DAZAP1: variants seen among roughly 807,000 people sequenced by gnomAD.
DAZAP1 encodes the protein DAZ associated protein 1, also known as DAZ-associated protein 1.
Under a neutral mutation model 60.1 loss-of-function variants are expected in DAZAP1, and 6 were observed. The ratio of observed to expected loss-of-function variants is 0.10; its 90% CI spans 0.05 to 0.20. DAZAP1 has a LOEUF of 0.20. Among genes scored for constraint, DAZAP1 ranks in the 10% least tolerant of loss-of-function variants. DAZAP1 has a pLI of 1.00. For missense variants in DAZAP1, 366 were observed against 560.4 expected, an observed-to-expected ratio of 0.65 and a Z score of 3.50; for synonymous variants, 235 against 215.9, an observed-to-expected ratio of 1.09 and a Z score of -0.78.
chr19:1,430,270 C>CCCCCCTGA lies in DAZAP1; in HGVS notation c.779_780insCCCCCTGA (p.Phe262LeufsTer76). 7.3e-7 allele frequency: 1 copy of CCCCCCTGA among 1,368,616 alleles called. No individual in the cohort carries two copies. Among genetic ancestry groups the CCCCCCTGA allele is most frequent in the Non-Finnish European group, 1.0e-6 (1 of 979,188 alleles). 84.8% of individuals were successfully genotyped at this position (1,368,616 alleles called of 1,614,324 possible). On this transcript the variant is annotated frameshift_variant, in exon 10 of 12. Transcript: ENST00000233078. LOFTEE classifies it high-confidence loss of function. Reference sequence around the variant, plus strand: ...GGAAGAGGAGCCCCCCCGCCACCCCCACCGTTCACCTCCTACATCGTGTCC... The same window carrying CCCCCCTGA: ...GGAAGAGGAGCCCCCCCGCCACCCCCCCCCCTGAACCGTTCACCTCCTACATCGTGTCC...
chr19:1,426,256 G>T lies in DAZAP1; in HGVS notation c.546+296G>T. The T allele has an allele frequency of 2.5e-6, 1 of 403,094 alleles. No homozygotes were observed. Among genetic ancestry groups the T allele is most frequent in the Non-Finnish European group, 4.6e-6 (1 of 215,888 alleles). The allele number at this position is 403,094 out of a possible 1,614,324, so 25.0% of individuals were successfully genotyped here. The stretch of plus-strand genomic sequence containing the variant: ...GGGAGGCTGTGGCGGTGTTGGGGCT[G>T]GCTCCAGTGAAACCGCAGCGTTGCC... On this transcript the variant is annotated intron_variant, in intron 7 of 11. Transcript: ENST00000233078. The surrounding 1 kb of genome is among the most constrained non-coding windows in gnomAD (Gnocchi z 5.4).
In DAZAP1 at chr19:1,434,021, GC is replaced by G. The variant is rs2083527771; in HGVS notation, c.1049-713del. 3 of 598,282 alleles carry G rather than the reference GC, an allele frequency of 5.0e-6. No homozygotes were observed. The highest frequency in any genetic ancestry group is 1.9e-5 in the African/African-American group (1 of 53,634). The allele number at this position is 598,282 out of a possible 1,614,324, so 37.1% of individuals were successfully genotyped here. A position where few individuals can be genotyped will look rare whatever the true frequency, so the allele number is the denominator to read the frequency against. On this transcript the variant is annotated intron_variant, in intron 11 of 11. Transcript: ENST00000233078. This position sits in a 1 kb window ranked among gnomAD's most constrained non-coding sequence, Gnocchi z 8.0. Reference sequence around the variant, plus strand: ...CCAGAGAGAGCCCACGCCCACCTGTGCCCACGTGCACCCGAATGGGAACCCA... The same window carrying G: ...CCAGAGAGAGCCCACGCCCACCTGTGCCACGTGCACCCGAATGGGAACCCA...
At position 1,416,284 on chromosome 19, in the gene DAZAP1, G is replaced by C. The variant is rs909049239; in HGVS notation, c.30-1216G>C. 2 of 152,278 alleles carry C rather than the reference G, an allele frequency of 1.3e-5. No homozygotes were observed. Among genetic ancestry groups the C allele is most frequent in the Non-Finnish European group, 2.9e-5 (2 of 68,090 alleles). 9.4% of individuals were successfully genotyped at this position (152,278 alleles called of 1,614,324 possible). On this transcript the variant is annotated intron_variant, in intron 1 of 11. Transcript: ENST00000233078. This position sits in a 1 kb window ranked among gnomAD's most constrained non-coding sequence, Gnocchi z 4.3. Reference sequence around the variant, plus strand: ...GGCCGTCAGGGATACAGGGCCCCGCGTGGGAATGGTGCTTTCAGTGAGGCT... The same window carrying C: ...GGCCGTCAGGGATACAGGGCCCCGCCTGGGAATGGTGCTTTCAGTGAGGCT...
At chr19:1,429,823 C>T in intron 8 of DAZAP1, 144 bp from the exon 9 acceptor site, 1 of 950,492 alleles carries the variant, frequency 1.1e-6, no homozygotes. Flanking sequence ...GTTCAGAGGG[C>T]TCTGCCCTCA....
chr19:1,434,560 A>G lies in DAZAP1; in HGVS notation c.1049-177A>G. On this transcript the variant is annotated intron_variant, in intron 11 of 11. Coordinates refer to ENST00000233078, the MANE Select transcript of DAZAP1 (RefSeq NM_018959.4). This position sits in a 1 kb window ranked among gnomAD's most constrained non-coding sequence, Gnocchi z 8.0. ...CTGCTCACATGTTTTTGAGGGAGAG[A>G]ACATGCCCGGGGTCCTCTCCCCGGC... 1 of 589,920 alleles carries G rather than the reference A, an allele frequency of 1.7e-6. No individual in the cohort carries two copies. 36.5% of individuals were successfully genotyped at this position (589,920 alleles called of 1,614,324 possible). A position where few individuals can be genotyped will look rare whatever the true frequency, so the allele number is the denominator to read the frequency against.
rs765264209 is a variant in DAZAP1 at position 1,432,674 on chromosome 19, C to G, written c.1032C>G (p.Phe344Leu). The change falls in exon 11 of 12, where the codon TTC (phenylalanine) becomes TTG (leucine). Residue 344 changes from phenylalanine (F) to leucine (L), a missense_variant. Around this residue, in one of 3 missense-constraint regions of DAZAP1, gnomAD observed 240 missense variants for 308.8 expected, o/e 0.78. Coordinates refer to ENST00000233078, the MANE Select transcript of DAZAP1 (RefSeq NM_018959.4). The surrounding 1 kb of genome is among the most constrained non-coding windows in gnomAD (Gnocchi z 4.9). ...MSKPPTAQPD[F>L]PYGQYAGYGQ... ...AGCCCCCGACAGCTCAGCCAGACTT[C>G]CCCTATGGTCAGTATGGTAAGTGGT... 1 of 1,607,828 alleles carries G rather than the reference C, an allele frequency of 6.2e-7. No homozygotes were observed. The highest frequency in any genetic ancestry group is 1.7e-5 in the Admixed American group (1 of 59,566).
rs758032200 is a variant in DAZAP1, at chr19:1,433,726, C to T, written c.1049-1011C>T. 2.2e-5 allele frequency: 35 copies of T among 1,611,760 alleles called. No individual in the cohort carries two copies. The Admixed American group carries it at 2.3e-4, about 11-fold the overall frequency. ...CTGCTTGGGTTGGTCACCCTGGTCTCGTCTCTTGCCAGGCCTGGGTTCCTA... is the reference window on the plus strand; with the variant it reads ...CTGCTTGGGTTGGTCACCCTGGTCTTGTCTCTTGCCAGGCCTGGGTTCCTA... On this transcript the variant is annotated intron_variant, in intron 11 of 11. Coordinates refer to ENST00000233078, the MANE Select transcript of DAZAP1 (RefSeq NM_018959.4). This position sits in a 1 kb window ranked among gnomAD's most constrained non-coding sequence, Gnocchi z 6.1.
rs369830243 is a variant in DAZAP1, at chr19:1,434,693, A to T, written c.1049-44A>T. 17 of 1,601,204 alleles carry T rather than the reference A, an allele frequency of 1.1e-5. No homozygotes were observed. The African/African-American group carries it at 1.8e-4, about 17-fold the overall frequency. On this transcript the variant is annotated intron_variant, in intron 11 of 11. Transcript: ENST00000233078. The surrounding 1 kb of genome is among the most constrained non-coding windows in gnomAD (Gnocchi z 8.0). ...GTGGCCTCGCTCGACGGCAGTGCCA[A>T]CCGCCCAGGGACCGCCCCGAGCTCA...
Position 1,434,068 on chromosome 19 carries a change from C to T in DAZAP1, c.1049-669C>T, listed in dbSNP as rs1488257453. ...ACCCAGAGGTCGTGGGAGGGGCTTCCTGCAAGGTGTGCAGCGGGGTGGGGA... is the reference window on the plus strand; with the variant it reads ...ACCCAGAGGTCGTGGGAGGGGCTTCTTGCAAGGTGTGCAGCGGGGTGGGGA... On this transcript the variant is annotated intron_variant, in intron 11 of 11. Coordinates refer to ENST00000233078, the MANE Select transcript of DAZAP1 (RefSeq NM_018959.4). The surrounding 1 kb of genome is among the most constrained non-coding windows in gnomAD (Gnocchi z 8.0). The T allele has an allele frequency of 7.1e-6, 4 of 562,450 alleles. No individual in the cohort carries two copies. Among genetic ancestry groups the T allele is most frequent in the Admixed American group, 6.2e-5 (2 of 32,070 alleles). The allele number at this position is 562,450 out of a possible 1,614,324, so 34.8% of individuals were successfully genotyped here.
chr19:1,429,051 C>T (rs901446272), intron 8 of DAZAP1, 56 bp downstream of exon 8: 92 of 1,512,646 alleles, frequency 6.1e-5, no homozygotes, highest in African/African-American at 8.4e-5. Flanking sequence ...ACTTGGCCCG[C>T]GCGCCCTGGG....
rs1352373272 is a variant in DAZAP1, at chr19:1,421,160, A to G, written c.316A>G (p.Arg106Gly). The G allele has an allele frequency of 3.7e-6, 6 of 1,614,084 alleles. No homozygotes were observed. The highest frequency in any genetic ancestry group is 5.1e-6 in the Non-Finnish European group (6 of 1,180,004). The change falls in exon 5 of 12, where the codon AGG becomes GGG. Residue 106 changes from arginine (R) to glycine (G), a missense_variant. Arg to Gly is a moderately radical substitution (Grantham distance 125). Around this residue, in one of 3 missense-constraint regions of DAZAP1, gnomAD observed 98 missense variants for 155.3 expected, o/e 0.63. Coordinates refer to ENST00000233078, the MANE Select transcript of DAZAP1 (RefSeq NM_018959.4). ...CCTTCTTCAACAGCAGAAAGGACCC[A>G]GGAGCGATAACAGTAAATCAAATAA... Reference protein sequence around the residue: ...RPKEGWQKGPRSDNSKSNKIF... With the variant: ...RPKEGWQKGPGSDNSKSNKIF...
chr19:1,408,493 C>T (rs2082729546), intron 1 of DAZAP1, among the ~76,000 whole-genome samples: 1 of 152,254 alleles, frequency 6.6e-6, no homozygotes. Context: ...CTGCCACCGC[C>T]CAACCTATCC....
chr19:1,408,393 T>G (rs2082726473), intron 1 of DAZAP1, among the ~76,000 whole-genome samples: 1 of 151,952 alleles, frequency 6.6e-6, no homozygotes, highest in African/African-American at 2.4e-5. Context: ...GACCCCAAAC[T>G]GTGGCGTGGG....
rs265264 is a variant in DAZAP1 at position 1,423,052 on chromosome 19, G to A, written c.463+656G>A. ...CTGCTGCTGTCTGTCCCGCCCGCCC[G>A]CATGGTTTTGGTTCATCAGCTGCTT... On this transcript the variant is annotated intron_variant, in intron 6 of 11. Transcript: ENST00000233078. This position sits in a 1 kb window ranked among gnomAD's most constrained non-coding sequence, Gnocchi z 6.8. Among the ~76,000 whole-genome samples, 1,243 of 141,826 alleles carry A rather than the reference G, an allele frequency of 8.8e-3. 27 individuals carry two copies. Among genetic ancestry groups the A allele is most frequent in the African/African-American group, 0.029 (1,172 of 40,704 alleles). 93.0% of individuals were successfully genotyped at this position (141,826 alleles called of 152,430 possible). A position where few individuals can be genotyped will look rare whatever the true frequency, so the allele number is the denominator to read the frequency against.
Position 1,434,702 on chromosome 19 carries a change from G to C in DAZAP1, c.1049-35G>C, listed in dbSNP as rs770762662. On this transcript the variant is annotated intron_variant, in intron 11 of 11. Transcript: ENST00000233078. This position sits in a 1 kb window ranked among gnomAD's most constrained non-coding sequence, Gnocchi z 8.0. Reference sequence around the variant, plus strand: ...CTCGACGGCAGTGCCAACCGCCCAGGGACCGCCCCGAGCTCACAGGACTTT... The same window carrying C: ...CTCGACGGCAGTGCCAACCGCCCAGCGACCGCCCCGAGCTCACAGGACTTT... 1.9e-5 allele frequency: 31 copies of C among 1,605,590 alleles called. No individual in the cohort carries two copies. The highest frequency in any genetic ancestry group is 2.4e-5 in the Non-Finnish European group (28 of 1,176,848).
chr19:1,430,162 T>C (rs1332796711), intron 9 of DAZAP1, 60 bp from the exon 10 acceptor site: 2 of 1,553,620 alleles, frequency 1.3e-6, no homozygotes, highest in Non-Finnish European at 1.8e-6. Context: ...TGGGTCTAAC[T>C]GTGGCCAGTC....
chr19:1,426,247 G>T lies in DAZAP1; in HGVS notation c.546+287G>T. ...GCTGGGGCTGGGAGGCTGTGGCGGT[G>T]TTGGGGCTGGCTCCAGTGAAACCGC... On this transcript the variant is annotated intron_variant, in intron 7 of 11. Transcript: ENST00000233078. This position sits in a 1 kb window ranked among gnomAD's most constrained non-coding sequence, Gnocchi z 5.4. 2.4e-6 allele frequency: 1 copy of T among 413,794 alleles called. No individual in the cohort carries two copies. The highest frequency in any genetic ancestry group is 4.5e-6 in the Non-Finnish European group (1 of 221,956). 25.6% of individuals were successfully genotyped at this position (413,794 alleles called of 1,614,324 possible). A position where few individuals can be genotyped will look rare whatever the true frequency, so the allele number is the denominator to read the frequency against.
At chr19:1,415,353 A>G (rs3065740) in intron 1 of DAZAP1, among the ~76,000 whole-genome samples, 7,054 of 109,404 alleles carry the variant, frequency 0.064, 461 homozygotes, top group East Asian at 0.29. Flanking sequence ...TCAGGGTTTT[A>G]TGTGTGTGTG....
Position 1,425,471 on chromosome 19 carries a change from T to A in DAZAP1, c.464-407T>A, listed in dbSNP as rs2083284040. On this transcript the variant is annotated intron_variant, in intron 6 of 11. Coordinates refer to ENST00000233078, the MANE Select transcript of DAZAP1 (RefSeq NM_018959.4). This position sits in a 1 kb window ranked among gnomAD's most constrained non-coding sequence, Gnocchi z 5.4. ...CTCCCCACAGGCGAGAGCCAGAATA[T>A]TCAAGCACGGGCCTCTGACCCTCCC... Among the ~76,000 whole-genome samples the A allele has an allele frequency of 6.6e-6, 1 of 152,226 alleles. No homozygotes were observed. Among genetic ancestry groups the A allele is most frequent in the South Asian group, 2.1e-4 (1 of 4,834 alleles).
Sources: allele counts gnomAD v4.1 joint callset (sites outside exome capture counted in the v4.1 genomes callset), GRCh38; gene constraint gnomAD v4.1.1; regional missense constraint gnomAD v4.1.1; non-coding constraint Gnocchi (gnomAD v3.1); transcripts MANE v1.5; gene names NCBI Gene and HGNC (gene_info 2026-07-23, HGNC 2026-07-21).